Variants in DNAH2 observed in about 807,000 individuals in gnomAD.
DNAH2 encodes axonemal beta dynein heavy chain 2.
A neutral mutation model predicts 523.5 loss-of-function variants in DNAH2; 323 were observed. The ratio of observed to expected loss-of-function variants is 0.62; its 90% CI spans 0.56 to 0.68. The LOEUF (loss-of-function observed/expected upper bound fraction) is 0.68, where lower values mean the gene tolerates loss of function less well. Among genes scored for constraint, DNAH2 ranks in the 30% least tolerant of loss-of-function variants. The pLI is 0.00. For synonymous variants in DNAH2, 2,093 were observed against 2,177.4 expected (o/e 0.96, Z 1.08); for missense variants, 4,907 against 5,701.5 (o/e 0.86, Z 4.49).
Position 7,760,084 on chromosome 17 carries a change from A to T in DNAH2, c.2785+146A>T. On this transcript the variant is annotated intron_variant, in intron 17 of 85. Coordinates refer to ENST00000572933, the MANE Select transcript of DNAH2 (RefSeq NM_020877.5). This position sits in a 1 kb window ranked among gnomAD's most constrained non-coding sequence, Gnocchi z 4.0. The stretch of plus-strand genomic sequence containing the variant: ...GGGAAAACTCAGGTCAAGGGGCCAG[A>T]TCGGCTGGCACAGTGGCTTGTGCCT... The T allele has an allele frequency of 7.9e-7, 1 of 1,258,718 alleles. No individual in the cohort carries two copies. 78.0% of individuals were successfully genotyped at this position (1,258,718 alleles called of 1,614,324 possible).
intron 12 of DNAH2, among the ~76,000 whole-genome samples, chr17:7,752,673 G>A (rs539679858): frequency 6.6e-6 from 1 of 152,216 alleles, no homozygotes; most frequent in Admixed American, 6.5e-5. Flanking sequence ...TTGCGCCACT[G>A]CACTCCAGCC....
chr17:7,810,212 C>T (rs938829683), intron 63 of DNAH2, among the ~76,000 whole-genome samples: 3 of 151,450 alleles, frequency 2.0e-5, no homozygotes, highest in Non-Finnish European at 4.4e-5. Flanking sequence ...TACAGGCACA[C>T]TCCACTATTC....
rs568008944 is a variant in DNAH2 at position 7,744,370 on chromosome 17, A to G, written c.1904+1228A>G. On this transcript the variant is annotated intron_variant, in intron 12 of 85. Coordinates refer to ENST00000572933, the MANE Select transcript of DNAH2 (RefSeq NM_020877.5). ...GCTTTGCCAGAGAAGTGCTGTGTGG[A>G]GACGGAGTCCCAGGGACAGATGAGA... 9.3e-5 allele frequency among the ~76,000 whole-genome samples: 14 copies of G among 150,654 alleles called. No individual in the cohort carries two copies. The South Asian group carries it at 2.9e-3, about 32-fold the overall frequency.
intron 7 of DNAH2, among the ~76,000 whole-genome samples, chr17:7,735,194 G>A (rs566108366): frequency 2.6e-5 from 4 of 151,968 alleles, no homozygotes; most frequent in South Asian, 2.1e-4. Context: ...GCAGTGGTGC[G>A]ATCTCAGCTC....
rs200259470 is a variant in DNAH2, at chr17:7,763,959, C to T, written c.3107C>T (p.Ala1036Val). ...QHCNEWQNKFATLLREMAAGR... is the reference protein window; with the variant it reads ...QHCNEWQNKFVTLLREMAAGR... ...TGCAATGAATGGCAGAACAAGTTCGCGACTCTGCTCAGGGAGATGGCTGCT... is the reference window on the plus strand; with the variant it reads ...TGCAATGAATGGCAGAACAAGTTCGTGACTCTGCTCAGGGAGATGGCTGCT... The change falls in exon 19 of 86, where the codon GCG (alanine) becomes GTG (valine). Residue 1036 changes from alanine to valine, a missense_variant. Ala to Val is a moderately conservative substitution (Grantham distance 64). Coordinates refer to ENST00000572933, the MANE Select transcript of DNAH2 (RefSeq NM_020877.5). 2.3e-4 allele frequency: 369 copies of T among 1,614,084 alleles called. No individual in the cohort carries two copies. Among genetic ancestry groups the T allele is most frequent in the Admixed American group, 8.0e-4 (48 of 60,002 alleles).
intron 28 of DNAH2, 65 bp downstream of exon 28, chr17:7,771,533 G>A (rs1441693410): frequency 1.9e-5 from 29 of 1,561,524 alleles, no homozygotes; most frequent in Non-Finnish European, 2.2e-5. Flanking sequence ...TCATGGTTGC[G>A]TGCTTCATTT....
At chr17:7,723,517 C>T in intron 2 of DNAH2, 111 bp from the exon 3 acceptor site, 1 of 826,142 alleles carries the variant, frequency 1.2e-6, no homozygotes, top group Non-Finnish European at 2.1e-6. Context: ...GGTGATCCTC[C>T]CGCCTAGTAC....
At position 7,754,446 on chromosome 17, in the gene DNAH2, T is replaced by C; in HGVS notation, c.1905-2645T>C. 1 of 666,222 alleles carries C rather than the reference T, an allele frequency of 1.5e-6. No individual in the cohort carries two copies. Among genetic ancestry groups the C allele is most frequent in the Non-Finnish European group, 2.6e-6 (1 of 377,452 alleles). The allele number at this position is 666,222 out of a possible 1,614,324, so 41.3% of individuals were successfully genotyped here. On this transcript the variant is annotated intron_variant, in intron 12 of 85. Coordinates refer to ENST00000572933, the MANE Select transcript of DNAH2 (RefSeq NM_020877.5). The surrounding 1 kb of genome is among the most constrained non-coding windows in gnomAD (Gnocchi z 4.6). The stretch of plus-strand genomic sequence containing the variant: ...AGTCCCGAAAATGGCACAGAAATGG[T>C]ATCAAGAAACCGCGATCACAAAGAT...
intron 28 of DNAH2, among the ~76,000 whole-genome samples, chr17:7,773,730 T>C (rs1015116032): frequency 2.0e-5 from 3 of 152,190 alleles, no homozygotes; most frequent in African/African-American, 7.2e-5. Context: ...ATATTCTGTT[T>C]TTCTTCTTTT....
At chr17:7,796,215 A>G (rs1018348979) in intron 49 of DNAH2, among the ~76,000 whole-genome samples, 7 of 151,652 alleles carry the variant, frequency 4.6e-5, no homozygotes, top group Non-Finnish European at 7.4e-5. Context: ...CGCCCGGCTA[A>G]TTTTATATTT....
chr17:7,793,343 C>T lies in DNAH2; in HGVS notation c.7569+138C>T, dbSNP rs558984670. 12 of 823,618 alleles carry T rather than the reference C, an allele frequency of 1.5e-5. No individual in the cohort carries two copies. In the East Asian group the frequency reaches 3.2e-4, roughly 22 times the overall value. The allele number at this position is 823,618 out of a possible 1,614,324, so 51.0% of individuals were successfully genotyped here. ...ACAGGAGCGTCCTTCTCCATGACAG[C>T]AGTTCTCGGCTCCCCACTCACGAGC... is the stretch of plus-strand genomic sequence containing the variant. On this transcript the variant is annotated intron_variant, in intron 48 of 85. Coordinates refer to ENST00000572933, the MANE Select transcript of DNAH2 (RefSeq NM_020877.5).
rs1186590338 is a variant in DNAH2, at chr17:7,787,001, A to T, written c.6571A>T (p.Ile2191Phe). 5 of 1,613,670 alleles carry T rather than the reference A, an allele frequency of 3.1e-6. No homozygotes were observed. The African/African-American group carries it at 5.3e-5, about 17-fold the overall frequency. Residue 2191 changes from isoleucine (I) to phenylalanine (F), a missense_variant, in exon 42 of 86, where the codon ATC becomes TTC. Transcript: ENST00000572933. The part of the protein sequence containing the change: ...VMDDNKVLTL[I>F]NGERIAMPEQ... ...GGACGATAACAAGGTGTTGACCCTC[A>T]TCAACGGCGAGCGCATCGCGATGCC...
At chr17:7,804,608 G>T in intron 59 of DNAH2, 142 bp downstream of exon 59, 1 of 980,750 alleles carries the variant, frequency 1.0e-6, no homozygotes, top group Non-Finnish European at 1.5e-6. Flanking sequence ...CACTTTGGGA[G>T]GCTGAGGCAG....
At chr17:7,818,612 A>T (rs113313620) in intron 69 of DNAH2, 31 bp from the exon 70 acceptor site, 1 of 1,612,130 alleles carries the variant, frequency 6.2e-7, no homozygotes, top group African/African-American at 1.3e-5. Flanking sequence ...AAGGAGTGAC[A>T]GCCCCTCACT....
intron 44 of DNAH2, among the ~76,000 whole-genome samples, chr17:7,789,026 T>C (rs1263418451): frequency 2.0e-5 from 3 of 152,094 alleles, no homozygotes; most frequent in Admixed American, 1.3e-4. Flanking sequence ...TAGCCAGGTG[T>C]GGTGGCACGT....
rs1323326723 is a variant in DNAH2, at chr17:7,832,760, G to A, written c.12903+5G>A. Reference sequence around the variant, plus strand: ...TCTTCAGCTCGCCAAAACAACGTGAGCAATGTGCAAAGTGTGAGGGGGGGA... The same window carrying A: ...TCTTCAGCTCGCCAAAACAACGTGAACAATGTGCAAAGTGTGAGGGGGGGA... On this transcript the variant is annotated splice_donor_5th_base_variant and intron_variant, in intron 83 of 85. Coordinates refer to ENST00000572933, the MANE Select transcript of DNAH2 (RefSeq NM_020877.5). The surrounding 1 kb of genome is among the most constrained non-coding windows in gnomAD (Gnocchi z 4.3). 6 of 1,614,094 alleles carry A rather than the reference G, an allele frequency of 3.7e-6. No individual in the cohort carries two copies. The South Asian group carries it at 5.5e-5, about 15-fold the overall frequency.
intron 63 of DNAH2, among the ~76,000 whole-genome samples, chr17:7,813,924 AT>A (rs1308010657): frequency 6.7e-6 from 1 of 149,994 alleles, no homozygotes; most frequent in Non-Finnish European, 1.5e-5. Context: ...AAAAAAAAAA[AT>A]TATTTATTCA....
Position 7,770,563 on chromosome 17 carries a change from C to A in DNAH2, c.4105C>A (p.Gln1369Lys), listed in dbSNP as rs2076287286. ...TKELAIEVAL[Q>K]NIAKTWDVTQ... ...CCCCAATTTCTCTCCACAGGCTTTA[C>A]AAAACATTGCCAAGACCTGGGATGT... Residue 1369 changes from glutamine (Q) to lysine (K), a missense_variant, in exon 26 of 86, where the codon CAA becomes AAA. Physicochemically the swap from Gln to Lys is moderately conservative, Grantham distance 53 (BLOSUM62 1). Around this residue, in one of 3 missense-constraint regions of DNAH2, gnomAD observed 2,806 missense variants for 3,190.8 expected, o/e 0.88. Coordinates refer to ENST00000572933, the MANE Select transcript of DNAH2 (RefSeq NM_020877.5). 1.2e-6 allele frequency: 2 copies of A among 1,614,002 alleles called. No individual in the cohort carries two copies. Among genetic ancestry groups the A allele is most frequent in the Admixed American group, 3.3e-5 (2 of 59,998 alleles).
In DNAH2 at chr17:7,801,660, G is replaced by C; in HGVS notation, c.8782G>C (p.Glu2928Gln). The C allele has an allele frequency of 6.2e-7, 1 of 1,614,134 alleles. No homozygotes were observed. The change falls in exon 57 of 86, where the codon GAG becomes CAG. Residue 2928 changes from glutamate to glutamine, a missense_variant. Around this residue, in one of 3 missense-constraint regions of DNAH2, gnomAD observed 1,851 missense variants for 2,139.4 expected, o/e 0.87. Transcript: ENST00000572933. ...AGAGTGGCCCCAAGAGGCCCTGCTCGAGGTGGCTGAGAAGTGCCTCATAGG... is the reference window on the plus strand; with the variant it reads ...AGAGTGGCCCCAAGAGGCCCTGCTCCAGGTGGCTGAGAAGTGCCTCATAGG... ...FSEWPQEALLEVAEKCLIGVD... is the reference protein window; with the variant it reads ...FSEWPQEALLQVAEKCLIGVD...
Sources: gnomAD v4.1 joint callset for allele counts (sites outside exome capture counted in the v4.1 genomes callset) on GRCh38, gnomAD v4.1.1 for gene constraint, gnomAD v4.1.1 regional missense constraint, Gnocchi (gnomAD v3.1) non-coding constraint, MANE v1.5 for transcripts, NCBI Gene and HGNC (gene_info 2026-07-23, HGNC 2026-07-21) for gene names.